The following C14orf93 variants were observed in gnomAD, a reference collection of about 807,000 sequenced individuals.
C14orf93 encodes chromosome 14 open reading frame 93.
C14orf93 carries 23 observed loss-of-function variants against 44.0 expected under a neutral mutation model. The ratio of observed to expected loss-of-function variants is 0.52; its 90% confidence interval spans 0.38 to 0.74. The LOEUF (loss-of-function observed/expected upper bound fraction) is 0.74, where lower values mean the gene tolerates loss of function less well. C14orf93 is among the 30% of genes least tolerant of loss of function. C14orf93 has a pLI of 0.00. For synonymous variants in C14orf93, 253 were observed against 265.7 expected (o/e 0.95, Z 0.46); for missense variants, 579 against 678.9 (o/e 0.85, Z 1.64).
At chr14:23,007,810 A>G (rs1594694829) in intron 1 of C14orf93, among the ~76,000 whole-genome samples, 1 of 152,154 alleles carries the variant, frequency 6.6e-6, no homozygotes, top group East Asian at 1.9e-4. Context: ...ATATGTGATG[A>G]CCTGTAGTGA....
chr14:22,995,061 G>T (rs926064791), intron 3 of C14orf93, among the ~76,000 whole-genome samples: 3 of 152,196 alleles, frequency 2.0e-5, no homozygotes, highest in Non-Finnish European at 4.4e-5. Context: ...CCAGGATGGG[G>T]ACTCCCAGCT....
intron 1 of C14orf93, chr14:23,007,236 T>C (rs1171282518): frequency 6.6e-6 from 1 of 152,212 alleles, no homozygotes; most frequent in African/African-American, 2.4e-5. Flanking sequence ...GGGAGCAGGG[T>C]CACGGACACT....
intron 1 of C14orf93, among the ~76,000 whole-genome samples, chr14:23,007,970 T>A (rs112627807): frequency 2.6e-5 from 4 of 151,738 alleles, no homozygotes; most frequent in African/African-American, 9.7e-5. Flanking sequence ...CTGACCAACA[T>A]GGTGAAACCC....
In C14orf93 at chr14:22,990,071, A is replaced by C; in HGVS notation, c.975T>G (p.Ser325=). Residue 325 remains serine (S), a synonymous_variant, in exon 4 of 7, where the codon TCT becomes TCG. Coordinates refer to ENST00000299088, the MANE Select transcript of C14orf93 (RefSeq NM_021944.4). Reference sequence around the variant, plus strand: ...TTTCCTCAAGGAGACCATACCTTTCAGACCCATTGAATCTCTTGTCATTGG... The same window carrying C: ...TTTCCTCAAGGAGACCATACCTTTCCGACCCATTGAATCTCTTGTCATTGG... ...HITNDKRFNG[S]ESIKSSWNIS... is the part of the protein sequence containing the mutation. 1 of 1,612,774 alleles carries C rather than the reference A, an allele frequency of 6.2e-7. No individual in the cohort carries two copies. The highest frequency in any genetic ancestry group is 8.5e-7 in the Non-Finnish European group (1 of 1,178,828).
intron 1 of C14orf93, among the ~76,000 whole-genome samples, chr14:23,009,337 T>A (rs1261583713): frequency 6.6e-6 from 1 of 152,098 alleles, no homozygotes; most frequent in Non-Finnish European, 1.5e-5. Context: ...CGGAAAAAAA[T>A]TCACATCCTA....
At chr14:22,998,350 G>C (rs1425852498) in intron 2 of C14orf93, 77 bp downstream of exon 2, 2 of 1,429,382 alleles carry the variant, frequency 1.4e-6, no homozygotes, top group Non-Finnish European at 1.8e-6. Context: ...AAGATGGAAA[G>C]AAAAGAACAG....
chr14:22,987,823 A>G lies in C14orf93; in HGVS notation c.1197+80T>C. The stretch of plus-strand genomic sequence containing the variant: ...ATTCCTGGCTCTCAACCCTATTCTC[A>G]TATGCCATGTCCTCTGGCCCTTCCC... On this transcript the variant is annotated intron_variant, in intron 6 of 6. Coordinates refer to ENST00000299088, the MANE Select transcript of C14orf93 (RefSeq NM_021944.4). This position sits in a 1 kb window ranked among gnomAD's most constrained non-coding sequence, Gnocchi z 5.6. The G allele has an allele frequency of 2.3e-6, 3 of 1,293,998 alleles. No individual in the cohort carries two copies. Among genetic ancestry groups the G allele is most frequent in the Non-Finnish European group, 3.3e-6 (3 of 912,488 alleles). The allele number at this position is 1,293,998 out of a possible 1,614,324, so 80.2% of individuals were successfully genotyped here.
Position 22,987,578 on chromosome 14 carries a change from C to A in C14orf93, c.1254G>T (p.Leu418=). The A allele has an allele frequency of 6.2e-7, 1 of 1,613,194 alleles. No homozygotes were observed. Residue 418 remains leucine (L), a synonymous_variant, in exon 7 of 7, where the codon CTG becomes CTT. Transcript: ENST00000299088. The surrounding 1 kb of genome is among the most constrained non-coding windows in gnomAD (Gnocchi z 5.6). ...MRHFGPEDQR[L]WNDVTEELMS... ...TCAGTTCCTCTGTCACATCATTCCA[C>A]AGACGTTGGTCCTCAGGTCCAAAAT...
In C14orf93 at chr14:22,998,463, C is replaced by T. The variant is rs576428895; in HGVS notation, c.561G>A (p.Thr187=). 15 of 1,600,784 alleles carry T rather than the reference C, an allele frequency of 9.4e-6. No individual in the cohort carries two copies. The highest frequency in any genetic ancestry group is 4.5e-5 in the East Asian group (2 of 44,512). ...GGGGGGCCGCCTCGCTGGCAGCCAG[C>T]GTGCACCCTGGGAGCCGCATGTCCC... ...TQRDMRLPGC[T]LAASEAAPLL... The change falls in exon 2 of 7, where the codon ACG becomes ACA. Residue 187 remains threonine (T), a synonymous_variant. Coordinates refer to ENST00000299088, the MANE Select transcript of C14orf93 (RefSeq NM_021944.4).
Position 23,010,109 on chromosome 14 carries a change from C to G in C14orf93, c.-388G>C, listed in dbSNP as rs2046800609. 6.6e-6 allele frequency: 1 copy of G among 152,132 alleles called. No individual in the cohort carries two copies. The highest frequency in any genetic ancestry group is 1.5e-5 in the Non-Finnish European group (1 of 68,002). The allele number at this position is 152,132 out of a possible 1,614,324, so 9.4% of individuals were successfully genotyped here. On this transcript the variant is annotated 5_prime_UTR_variant, in exon 1 of 7. Transcript: ENST00000299088. ...AAATGGAAAAAGGATACCCGAAGGT[C>G]GTATGGCTCTTTGTATTCGTGTGTG...
At position 22,996,947 on chromosome 14, in the gene C14orf93, A is replaced by C. The variant is rs1447809078; in HGVS notation, c.598-679T>G. 6.6e-6 allele frequency among the ~76,000 whole-genome samples: 1 copy of C among 151,950 alleles called. No individual in the cohort carries two copies. The highest frequency in any genetic ancestry group is 2.4e-5 in the African/African-American group (1 of 41,334). ...GGAGGGGGGATTTCTGCAGTCAAGA[A>C]AACAAAATACTGAAAGTGGGGACAC... On this transcript the variant is annotated intron_variant, in intron 2 of 6. Coordinates refer to ENST00000299088, the MANE Select transcript of C14orf93 (RefSeq NM_021944.4). This position sits in a 1 kb window ranked among gnomAD's most constrained non-coding sequence, Gnocchi z 4.1.
chr14:22,999,670 T>C (rs2046196918), intron 1 of C14orf93, among the ~76,000 whole-genome samples: 1 of 152,188 alleles, frequency 6.6e-6, no homozygotes, highest in African/African-American at 2.4e-5. Flanking sequence ...ACTTTCAATG[T>C]AGTGTTGTAT....
chr14:22,998,066 G>A, intron 2 of C14orf93: 1 of 215,314 alleles, frequency 4.6e-6, no homozygotes, highest in Non-Finnish European at 9.1e-6. Flanking sequence ...CAAGCAGAGG[G>A]CCTGCGATAA....
chr14:22,997,305 G>A (rs2046042853), intron 2 of C14orf93, among the ~76,000 whole-genome samples: 1 of 152,188 alleles, frequency 6.6e-6, no homozygotes, highest in African/African-American at 2.4e-5. Context: ...TGGAGGGGGA[G>A]AGAGGGGTTT....
chr14:23,009,331 A>G (rs1035006952), intron 1 of C14orf93, among the ~76,000 whole-genome samples: 3 of 152,044 alleles, frequency 2.0e-5, no homozygotes, highest in Admixed American at 6.6e-5. Flanking sequence ...AGACAACGGA[A>G]AAAAATTCAC....
At position 22,990,096 on chromosome 14, in the gene C14orf93, G is replaced by C; in HGVS notation, c.950C>G (p.Thr317Ser). 1 of 1,613,662 alleles carries C rather than the reference G, an allele frequency of 6.2e-7. No homozygotes were observed. Among genetic ancestry groups the C allele is most frequent in the Non-Finnish European group, 8.5e-7 (1 of 1,179,692 alleles). ...AGACCCATTGAATCTCTTGTCATTGGTGATGTGGTTATGCACATTGTGGAC... is the reference window on the plus strand; with the variant it reads ...AGACCCATTGAATCTCTTGTCATTGCTGATGTGGTTATGCACATTGTGGAC... ...KLVHNVHNHI[T>S]NDKRFNGSES... Residue 317 changes from threonine to serine, a missense_variant, in exon 4 of 7, where the codon ACC (threonine) becomes AGC (serine). By Grantham distance (58) the Thr-to-Ser change is moderately conservative. Coordinates refer to ENST00000299088, the MANE Select transcript of C14orf93 (RefSeq NM_021944.4).
intron 3 of C14orf93, among the ~76,000 whole-genome samples, chr14:22,992,660 C>T (rs562281555): frequency 6.6e-5 from 10 of 151,698 alleles, no homozygotes; most frequent in African/African-American, 2.2e-4. Context: ...TCACTGCAAC[C>T]TCTGCCTCCA....
chr14:22,998,964 G>A lies in C14orf93; in HGVS notation c.60C>T (p.Cys20=), dbSNP rs753093979. The change falls in exon 2 of 7, where the codon TGC becomes TGT. Residue 20 remains cysteine, a synonymous_variant. Coordinates refer to ENST00000299088, the MANE Select transcript of C14orf93 (RefSeq NM_021944.4). The part of the protein sequence containing the change: ...SPPSGSEARC[C]CCACKSETNG... ...TAGTCTCACTCTTACAGGCGCAGCA[G>A]CAGCATCTGGCCTCGCTGCCACTGG... is the stretch of plus-strand genomic sequence containing the variant. 1.7e-5 allele frequency: 27 copies of A among 1,613,556 alleles called. No homozygotes were observed. The highest frequency in any genetic ancestry group is 2.2e-5 in the Non-Finnish European group (26 of 1,180,018).
At position 22,986,853 on chromosome 14, in the gene C14orf93, G is replaced by A; in HGVS notation, c.*362C>T. The A allele has an allele frequency of 3.8e-6, 1 of 264,196 alleles. No homozygotes were observed. Among genetic ancestry groups the A allele is most frequent in the Non-Finnish European group, 7.3e-6 (1 of 137,428 alleles). The allele number at this position is 264,196 out of a possible 1,614,324, so 16.4% of individuals were successfully genotyped here. A position where few individuals can be genotyped will look rare whatever the true frequency, so the allele number is the denominator to read the frequency against. ...GTACAACCTGGGCTGCTTCCTCAGA[G>A]CTTTGGGTGGAACTGGGCAGGGGCA... On this transcript the variant is annotated 3_prime_UTR_variant, in exon 7 of 7. Transcript: ENST00000299088.
Sources: gnomAD v4.1 joint callset for allele counts (sites outside exome capture counted in the v4.1 genomes callset) on GRCh38, gnomAD v4.1.1 for gene constraint, Gnocchi (gnomAD v3.1) non-coding constraint, MANE v1.5 for transcripts, NCBI Gene and HGNC (gene_info 2026-07-23, HGNC 2026-07-21) for gene names.